TRAPPC9: variants seen among roughly 807,000 people sequenced by gnomAD.
The protein encoded by TRAPPC9 is IKK2 binding protein.
In TRAPPC9, 83 loss-of-function variants were observed where a neutral mutation model predicts 124.0. The ratio of observed to expected loss-of-function variants is 0.67; its 90% CI spans 0.56 to 0.80. TRAPPC9 has a LOEUF of 0.80. Among genes scored for constraint, TRAPPC9 ranks in the 30% least tolerant of loss-of-function variants. The pLI is 0.00. For missense variants in TRAPPC9, 1,302 were observed against 1,508.3 expected (o/e 0.86, Z 2.27); for synonymous variants, 638 against 617.5 (o/e 1.03, Z -0.49).
rs912801899 is a variant in TRAPPC9, at chr8:140,257,460, G to A, written c.2279-4531C>T. ...ACGACACTACTTTAGACCCACCTTG[G>A]TTTGAAAAGAAGCCTCCCCAGACAG... On this transcript the variant is annotated intron_variant, in intron 15 of 22. Transcript: ENST00000438773. This position sits in a 1 kb window ranked among gnomAD's most constrained non-coding sequence, Gnocchi z 4.6. Among the ~76,000 whole-genome samples the A allele has an allele frequency of 1.3e-5, 2 of 150,906 alleles. No individual in the cohort carries two copies. Among genetic ancestry groups the A allele is most frequent in the South Asian group, 4.2e-4 (2 of 4,780 alleles).
intron 21 of TRAPPC9, among the ~76,000 whole-genome samples, chr8:139,857,467 G>A (rs1827872774): frequency 6.6e-6 from 1 of 152,198 alleles, no homozygotes; most frequent in Non-Finnish European, 1.5e-5. Flanking sequence ...GAAGCCGAGG[G>A]TCACACAATA....
intron 19 of TRAPPC9, among the ~76,000 whole-genome samples, chr8:139,942,828 GC>G (rs1254076487): frequency 6.6e-6 from 1 of 152,176 alleles, no homozygotes; most frequent in African/African-American, 2.4e-5. Flanking sequence ...GAGAGACTCT[GC>G]CATCTTCCTT....
chr8:139,850,705 GT>G (rs1407571832), intron 21 of TRAPPC9, among the ~76,000 whole-genome samples: 26 of 152,262 alleles, frequency 1.7e-4, no homozygotes, highest in African/African-American at 6.0e-4. Context: ...CCACTCATCA[GT>G]GGTCCACCCA....
chr8:139,757,216 G>GT (rs1819895665), intron 21 of TRAPPC9, among the ~76,000 whole-genome samples: 2 of 138,762 alleles, frequency 1.4e-5, no homozygotes, highest in African/African-American at 5.8e-5. Context: ...CAGGGTTGGG[G>GT]ATGAGGACAG....
chr8:140,063,808 T>C lies in TRAPPC9; in HGVS notation c.2557-39729A>G, dbSNP rs1842765109. ...CTCCGAGTGTCTCCTCAGTGGCCCA[T>C]GTTGCCTGCTCTCTTGTCACCCTTT... On this transcript the variant is annotated intron_variant, in intron 17 of 22. Coordinates refer to ENST00000438773, the MANE Select transcript of TRAPPC9 (RefSeq NM_001160372.4). This position sits in a 1 kb window ranked among gnomAD's most constrained non-coding sequence, Gnocchi z 4.3. 6.6e-6 allele frequency among the ~76,000 whole-genome samples: 1 copy of C among 152,164 alleles called. No homozygotes were observed. Among genetic ancestry groups the C allele is most frequent in the African/African-American group, 2.4e-5 (1 of 41,424 alleles).
At chr8:140,321,132 C>T (rs1019212480) in intron 9 of TRAPPC9, among the ~76,000 whole-genome samples, 3 of 152,238 alleles carry the variant, frequency 2.0e-5, no homozygotes, top group East Asian at 1.9e-4. Context: ...CACTTCACCC[C>T]GGGAGTGGTG....
At position 139,730,726 on chromosome 8, in the gene TRAPPC9, G is replaced by A; in HGVS notation, c.*335C>T. The stretch of plus-strand genomic sequence containing the variant: ...TCCCTCTGCTGGGATGAGCAGCACA[G>A]CACGGCTGGGGCCCCAGGTCACAGA... On this transcript the variant is annotated 3_prime_UTR_variant, in exon 23 of 23. Transcript: ENST00000438773. The A allele has an allele frequency of 2.6e-6, 1 of 377,454 alleles. No homozygotes were observed. The highest frequency in any genetic ancestry group is 5.0e-6 in the Non-Finnish European group (1 of 201,476). 23.4% of individuals were successfully genotyped at this position (377,454 alleles called of 1,614,324 possible). A position where few individuals can be genotyped will look rare whatever the true frequency, so the allele number is the denominator to read the frequency against.
chr8:139,867,102 G>A (rs1245363151), intron 21 of TRAPPC9, among the ~76,000 whole-genome samples: 1 of 152,170 alleles, frequency 6.6e-6, no homozygotes, highest in Admixed American at 6.5e-5. Flanking sequence ...CCAAAATGCT[G>A]GGATTACAGG....
intron 17 of TRAPPC9, among the ~76,000 whole-genome samples, chr8:140,125,584 A>ATTTTTTTTT (rs1442863537): frequency 9.2e-6 from 1 of 108,224 alleles, no homozygotes; most frequent in African/African-American, 3.9e-5. Flanking sequence ...ATCGAATCTC[A>ATTTTTTTTT]TTCTTTTTTT....
intron 19 of TRAPPC9, among the ~76,000 whole-genome samples, chr8:139,960,612 A>AGGGAACAGATTCCCCCCAG (rs1587348899): frequency 1.3e-4 from 8 of 63,450 alleles, no homozygotes; most frequent in South Asian, 5.6e-4. Context: ...CCAGCTGTCA[A>AGGGAACAGATTCCCCCCAG]GTCTGGACTC....
chr8:139,880,969 A>G (rs1829644676), intron 21 of TRAPPC9: 1 of 152,258 alleles, frequency 6.6e-6, no homozygotes, highest in Non-Finnish European at 1.5e-5. Flanking sequence ...AATGCCTTTC[A>G]GATCTTAGCA....
Position 139,742,935 on chromosome 8 carries a change from T to TCTAG in TRAPPC9, c.3056-10737_3056-10734dup, listed in dbSNP as rs1341698077. On this transcript the variant is annotated intron_variant, in intron 21 of 22. Transcript: ENST00000438773. The surrounding 1 kb of genome is among the most constrained non-coding windows in gnomAD (Gnocchi z 4.7). ...ACCCTAGAGAGGCGGGTTTCCTCTG[T>TCTAG]CTAGGGTGGTGCTGAGCATGAGTTT... Among the ~76,000 whole-genome samples, 1 of 151,956 alleles carries TCTAG rather than the reference T, an allele frequency of 6.6e-6. No individual in the cohort carries two copies. Among genetic ancestry groups the TCTAG allele is most frequent in the African/African-American group, 2.4e-5 (1 of 41,352 alleles).
intron 17 of TRAPPC9, among the ~76,000 whole-genome samples, chr8:140,133,551 C>CAA (rs1162470975): frequency 6.6e-6 from 1 of 152,180 alleles, no homozygotes. Context: ...GAATCAGAGT[C>CAA]TTCCTCAGAG....
At chr8:140,296,274 T>C (rs886703728) in intron 11 of TRAPPC9, among the ~76,000 whole-genome samples, 1 of 152,216 alleles carries the variant, frequency 6.6e-6, no homozygotes, top group African/African-American at 2.4e-5. Flanking sequence ...GTCTTTTTAT[T>C]TGTTTTTTGA....
intron 17 of TRAPPC9, among the ~76,000 whole-genome samples, chr8:140,158,175 GC>G (rs920668857): frequency 2.6e-4 from 40 of 152,104 alleles, no homozygotes; most frequent in African/African-American, 8.0e-4. Flanking sequence ...CCAAGTAACA[GC>G]CCCCCCTCAA....
upstream of TRAPPC9, chr8:140,458,231 C>G: frequency 6.4e-7 from 1 of 1,550,990 alleles, no homozygotes; most frequent in Non-Finnish European, 8.7e-7. Context: ...AGCTTCTGCA[C>G]CTGGGGCGGC....
intron 19 of TRAPPC9, among the ~76,000 whole-genome samples, chr8:139,917,601 C>G (rs749435448): frequency 2.0e-5 from 3 of 152,350 alleles, no homozygotes; most frequent in East Asian, 1.9e-4. Context: ...CCCCGTCCCC[C>G]GGGCCTGCTG....
intron 14 of TRAPPC9, among the ~76,000 whole-genome samples, chr8:140,278,840 G>A (rs950703719): frequency 5.3e-5 from 8 of 152,232 alleles, no homozygotes; most frequent in African/African-American, 1.7e-4. Context: ...GCTCCTCTGC[G>A]CGTCTCCTCG....
At chr8:140,025,384 C>G (rs900399788) in intron 17 of TRAPPC9, among the ~76,000 whole-genome samples, 1 of 152,048 alleles carries the variant, frequency 6.6e-6, no homozygotes, top group African/African-American at 2.4e-5. Flanking sequence ...CAAAACAAAG[C>G]AAAACCAGAG....
Sources: allele counts gnomAD v4.1 joint callset (sites outside exome capture counted in the v4.1 genomes callset), GRCh38; gene constraint gnomAD v4.1.1; non-coding constraint Gnocchi (gnomAD v3.1); transcripts MANE v1.5; gene names NCBI Gene and HGNC (gene_info 2026-07-23, HGNC 2026-07-21).